TEX15: variants seen among roughly 807,000 people sequenced by gnomAD.
TEX15 encodes the protein testis expressed 15, meiosis and synapsis associated.
Under a neutral mutation model 237.3 loss-of-function variants are expected in TEX15, and 171 were observed. The ratio of observed to expected loss-of-function variants is 0.72; its 90% confidence interval spans 0.64 to 0.82. The LOEUF (loss-of-function observed/expected upper bound fraction) is 0.82, where lower values mean the gene tolerates loss of function less well. TEX15 is among the 40% of genes least tolerant of loss of function. The pLI, the probability that TEX15 is intolerant of heterozygous loss-of-function variation, is 0.00. For synonymous variants in TEX15, 1,338 were observed against 1,269.8 expected (o/e 1.05, Z -1.14); for missense variants, 3,750 against 3,646.5 (o/e 1.03, Z -0.73).
At chr8:30,895,297 C>CAA (rs34514049) in intron 2 of TEX15, among the ~76,000 whole-genome samples, 710 of 59,564 alleles carry the variant, frequency 0.012, 5 homozygotes, top group Middle Eastern at 0.021. Flanking sequence ...GACTCCATCT[C>CAA]AAAAAAAAAA....
Position 30,848,520 on chromosome 8 carries a change from T to G in TEX15, c.1647A>C (p.Ser549=). 2 of 1,614,184 alleles carry G rather than the reference T, an allele frequency of 1.2e-6. No homozygotes were observed. Among genetic ancestry groups the G allele is most frequent in the Non-Finnish European group, 1.7e-6 (2 of 1,180,018 alleles). ...SFPISVSNVV[S]EVENQNHSEE... ...CACTGTGGTTTTGGTTCTCAACCTC[T>G]GACACTACATTTGACACAGAAATTG... The change falls in exon 8 of 11, where the codon TCA becomes TCC. Residue 549 remains serine, a synonymous_variant. Transcript: ENST00000643185.
rs1157682825 is a variant in TEX15, at chr8:30,845,128, A to G, written c.5039T>C (p.Leu1680Pro). ...NLILSDCKRN[L>P]EVKWTDPIER... ...AATAGGATCTGTCCACTTTACTTCC[A>G]GGTTTCTTTTACAATCAGATAAAAT... The change falls in exon 8 of 11, where the codon CTG (leucine) becomes CCG (proline). Residue 1680 changes from leucine (L) to proline (P), a missense_variant. By Grantham distance (98) the Leu-to-Pro change is moderately conservative. Coordinates refer to ENST00000643185, the MANE Select transcript of TEX15 (RefSeq NM_001350162.2). 1.2e-6 allele frequency: 2 copies of G among 1,613,438 alleles called. No individual in the cohort carries two copies. Among genetic ancestry groups the G allele is most frequent in the Non-Finnish European group, 1.7e-6 (2 of 1,179,482 alleles).
intron 10 of TEX15, 45 bp downstream of exon 10, chr8:30,836,753 CAGTTA>C: frequency 6.9e-7 from 1 of 1,447,926 alleles, no homozygotes; most frequent in Non-Finnish European, 9.4e-7. Flanking sequence ...TAAATGGACA[CAGTTA>C]AAAGTAACAA....
chr8:30,912,333 C>CCGAGG (rs772066925), intron 1 of TEX15, among the ~76,000 whole-genome samples: 1 of 618 alleles, frequency 1.6e-3, no homozygotes, highest in African/African-American at 5.2e-3. Context: ...GGCGGCGGGG[C>CCGAGG]TCCCGCCCCC....
At chr8:30,840,095 C>T (rs1001713385) in intron 8 of TEX15, 131 bp from the exon 9 acceptor site, 2 of 477,036 alleles carry the variant, frequency 4.2e-6, no homozygotes, top group African/African-American at 4.0e-5. Flanking sequence ...AATTAATTAT[C>T]ACCTCCCTGC....
Position 30,842,613 on chromosome 8 carries a change from AAG to A in TEX15, c.7552_7553del (p.Leu2518Ter). On this transcript the variant is annotated frameshift_variant, in exon 8 of 11. Coordinates refer to ENST00000643185, the MANE Select transcript of TEX15 (RefSeq NM_001350162.2). LOFTEE classifies it high-confidence loss of function. Reference protein sequence around the residue: ...WKVIETAVSELKKDLDIICKY... With the variant: ...WKVIETAVSEXKKDLDIICKY... The stretch of plus-strand genomic sequence containing the variant: ...TGCAGATAATATCCAGATCTTTCTT[AAG>A]TTCGGAAACAGCAGTCTCTATCACT... The A allele has an allele frequency of 6.2e-7, 1 of 1,611,406 alleles. No individual in the cohort carries two copies.
rs776586488 is a variant in TEX15, at chr8:30,844,368, G to A, written c.5799C>T (p.Asp1933=). The change falls in exon 8 of 11, where the codon GAC becomes GAT. Residue 1933 remains aspartate (D), a synonymous_variant. Transcript: ENST00000643185. ...EKKGEIKVSK[D]SQSDLTLHSE... ...AATGTAATGTCAAGTCAGACTGCGAGTCTTTACTAACTTTAATTTCCCCCT... is the reference window on the plus strand; with the variant it reads ...AATGTAATGTCAAGTCAGACTGCGAATCTTTACTAACTTTAATTTCCCCCT... 59 of 1,610,492 alleles carry A rather than the reference G, an allele frequency of 3.7e-5. No homozygotes were observed. Among genetic ancestry groups the A allele is most frequent in the Non-Finnish European group, 4.9e-5 (58 of 1,178,740 alleles).
chr8:30,837,153 C>G lies in TEX15; in HGVS notation c.9131G>C (p.Trp3044Ser), dbSNP rs772665616. 6.2e-7 allele frequency: 1 copy of G among 1,613,924 alleles called. No individual in the cohort carries two copies. The highest frequency in any genetic ancestry group is 8.5e-7 in the Non-Finnish European group (1 of 1,179,892). Residue 3044 changes from tryptophan to serine, a missense_variant, in exon 10 of 11, where the codon TGG (tryptophan) becomes TCG (serine). Coordinates refer to ENST00000643185, the MANE Select transcript of TEX15 (RefSeq NM_001350162.2). ...GCTGTTGCTGTACTGATAAACACAC[C>G]AAGCAGAGTATGGATATGAAGTTCC... ...LFGTSYPYSAWCVYQYSNSNG... is the reference protein window; with the variant it reads ...LFGTSYPYSASCVYQYSNSNG...
intron 5 of TEX15, among the ~76,000 whole-genome samples, chr8:30,862,077 A>G (rs1216560727): frequency 6.6e-6 from 1 of 152,122 alleles, no homozygotes; most frequent in Admixed American, 6.5e-5. Context: ...AATTAGTGCA[A>G]TCTTTCTCAG....
rs1286533711 is a variant in TEX15, at chr8:30,848,735, A to C, written c.1432T>G (p.Ser478Ala). ...EIKSTPSNSA[S>A]SSEVVPGDCA... ...TCACCAGGGACAACTTCTGAGGAGG[A>C]GGCAGAATTAGATGGTGTCGATTTT... The change falls in exon 8 of 11, where the codon TCC (serine) becomes GCC (alanine). Residue 478 changes from serine (S) to alanine (A), a missense_variant. By Grantham distance (99) the Ser-to-Ala change is moderately conservative (BLOSUM62 1). Transcript: ENST00000643185. The C allele has an allele frequency of 6.2e-6, 10 of 1,614,076 alleles. No homozygotes were observed. The highest frequency in any genetic ancestry group is 8.5e-6 in the Non-Finnish European group (10 of 1,180,036).
chr8:30,847,654 T>A lies in TEX15; in HGVS notation c.2513A>T (p.Asn838Ile), dbSNP rs550736961. The change falls in exon 8 of 11, where the codon AAT (asparagine) becomes ATT (isoleucine). Residue 838 changes from asparagine (N) to isoleucine (I), a missense_variant. Transcript: ENST00000643185. ...GCTTAACTGTGAATTACAGAACAGA[T>A]TGTGATCCTGACCCCTATCTTCAAC... ...AYVEDRGQDH[N>I]LFCNSQLSND... The A allele has an allele frequency of 6.2e-7, 1 of 1,613,862 alleles. No homozygotes were observed. Among genetic ancestry groups the A allele is most frequent in the African/African-American group, 1.3e-5 (1 of 75,064 alleles).
rs534669535 is a variant in TEX15, at chr8:30,857,850, C to T, written c.850+818G>A. Among the ~76,000 whole-genome samples, 9 of 152,224 alleles carry T rather than the reference C, an allele frequency of 5.9e-5. No individual in the cohort carries two copies. In the South Asian group the frequency reaches 1.9e-3, roughly 32 times the overall value. On this transcript the variant is annotated intron_variant, in intron 7 of 10. Transcript: ENST00000643185. Reference sequence around the variant, plus strand: ...CCACAATGAAATAACATATCACACTCATTAGACTGGCAGAAACAAAACTTT... The same window carrying T: ...CCACAATGAAATAACATATCACACTTATTAGACTGGCAGAAACAAAACTTT...
At chr8:30,901,472 T>C (rs910128802) in intron 1 of TEX15, among the ~76,000 whole-genome samples, 1 of 152,194 alleles carries the variant, frequency 6.6e-6, no homozygotes, top group African/African-American at 2.4e-5. Flanking sequence ...TGTTTCATAA[T>C]AAGAATCCAA....
rs759400038 is a variant in TEX15 at position 30,842,000 on chromosome 8, A to G, written c.8163+4T>C. ...ATAAAAGTTTTGTTTTAAAACATAC[A>G]TACCTTTAGCTTTTTACAACTGGAA... On this transcript the variant is annotated splice_donor_region_variant and intron_variant, in intron 8 of 10. Transcript: ENST00000643185. 3.8e-6 allele frequency: 6 copies of G among 1,560,118 alleles called. No individual in the cohort carries two copies. The highest frequency in any genetic ancestry group is 1.2e-5 in the South Asian group (1 of 81,010).
chr8:30,907,869 T>A (rs1416162442), intron 1 of TEX15, among the ~76,000 whole-genome samples: 5 of 149,984 alleles, frequency 3.3e-5, no homozygotes, highest in African/African-American at 4.9e-5. Flanking sequence ...GCCCAGGTGA[T>A]CAAGGCTGCA....
chr8:30,840,900 G>A (rs1248388502), intron 8 of TEX15, among the ~76,000 whole-genome samples: 3 of 151,980 alleles, frequency 2.0e-5, no homozygotes, highest in Non-Finnish European at 4.4e-5. Context: ...AATTGTTCCA[G>A]ACTTAATTTA....
intron 7 of TEX15, 85 bp downstream of exon 7, chr8:30,858,583 C>T: frequency 8.3e-7 from 1 of 1,206,354 alleles, no homozygotes; most frequent in Non-Finnish European, 1.1e-6. Context: ...CAGGTGTGAA[C>T]CATTGTGTCC....
chr8:30,835,888 T>C (rs1807281005), intron 10 of TEX15, among the ~76,000 whole-genome samples: 1 of 152,210 alleles, frequency 6.6e-6, no homozygotes, highest in Non-Finnish European at 1.5e-5. Flanking sequence ...ACCAAGATAC[T>C]GTATTAGATA....
intron 5 of TEX15, among the ~76,000 whole-genome samples, chr8:30,865,232 T>C (rs1039591548): frequency 6.6e-6 from 1 of 151,928 alleles, no homozygotes; most frequent in Non-Finnish European, 1.5e-5. Flanking sequence ...AATAGATACA[T>C]CCCTGGACAT....
Sources: gnomAD v4.1 joint callset for allele counts (sites outside exome capture counted in the v4.1 genomes callset) on GRCh38, gnomAD v4.1.1 for gene constraint, MANE v1.5 for transcripts, NCBI Gene and HGNC (gene_info 2026-07-23, HGNC 2026-07-21) for gene names.